Variants in ALS2 observed in about 807,000 individuals in gnomAD.
ALS2 encodes the protein alsin Rho guanine nucleotide exchange factor ALS2.
ALS2 carries 117 observed loss-of-function variants against 203.4 expected under a neutral mutation model. The observed-to-expected ratio is 0.58, with a 90% CI of 0.50 to 0.67. The LOEUF is 0.67. ALS2 is among the 30% of genes least tolerant of loss of function. ALS2 has a pLI of 0.00. For missense variants in ALS2, 1,715 were observed against 1,989.4 expected (o/e 0.86, Z 2.62); for synonymous variants, 718 against 725.9 (o/e 0.99, Z 0.17).
chr2:201,710,064 T>C (rs1173847190), intron 26 of ALS2, 26 bp from the exon 27 acceptor site: 2 of 1,612,654 alleles, frequency 1.2e-6, no homozygotes, highest in Admixed American at 3.3e-5. Flanking sequence ...ATCAATGAAG[T>C]CAGTTGATGT....
At chr2:201,722,943 G>C (rs1690902757) in intron 23 of ALS2, 100 bp downstream of exon 23, 1 of 933,498 alleles carries the variant, frequency 1.1e-6, no homozygotes, top group Non-Finnish European at 1.7e-6. Context: ...GCACTTGAAA[G>C]GGGTGAATTT....
At position 201,705,465 on chromosome 2, in the gene ALS2, T is replaced by C. The variant is rs775943041; in HGVS notation, c.4581-4A>G. The C allele has an allele frequency of 5.6e-6, 9 of 1,608,530 alleles. No individual in the cohort carries two copies. Among genetic ancestry groups the C allele is most frequent in the African/African-American group, 4.0e-5 (3 of 74,828 alleles). ...CAAGGTTGCTGGCCAAAATTTCCTA[T>C]AATGGAATCCATAAATTATTAATAT... On this transcript the variant is annotated splice_polypyrimidine_tract_variant and splice_region_variant and intron_variant, in intron 29 of 33. Coordinates refer to ENST00000264276, the MANE Select transcript of ALS2 (RefSeq NM_020919.4).
chr2:201,764,641 AT>A (rs1693978050), intron 3 of ALS2, among the ~76,000 whole-genome samples: 1 of 105,628 alleles, frequency 9.5e-6, no homozygotes. Flanking sequence ...CTCAAAATAA[AT>A]AAATAAATAA....
At chr2:201,738,359 C>T (rs1412878090) in intron 12 of ALS2, among the ~76,000 whole-genome samples, 1 of 152,086 alleles carries the variant, frequency 6.6e-6, no homozygotes, top group African/African-American at 2.4e-5. Flanking sequence ...TGGGAGAGAA[C>T]ATTCCCATTT....
intron 16 of ALS2, among the ~76,000 whole-genome samples, 199 bp downstream of exon 16, chr2:201,727,506 G>A (rs1334390661): frequency 1.3e-5 from 2 of 152,144 alleles, no homozygotes; most frequent in African/African-American, 2.4e-5. Context: ...TCACCTAATC[G>A]TGACTTGCCA....
In ALS2 at chr2:201,761,160, G is replaced by A. The variant is rs773708886; in HGVS notation, c.834C>T (p.Pro278=). The A allele has an allele frequency of 2.5e-6, 4 of 1,614,084 alleles. No individual in the cohort carries two copies. The highest frequency in any genetic ancestry group is 3.3e-5 in the Admixed American group (2 of 60,004). The change falls in exon 4 of 34, where the codon CCC becomes CCT. Residue 278 remains proline (P), a synonymous_variant. Transcript: ENST00000264276. ...CCTGCCTGTCAAGGGTTTCAGTGGA[G>A]GGGCTGAGAGCAGTGCTGGCATGGT... ...AENHASTALS[P]STETLDRQEE...
At chr2:201,719,808 C>A (rs980511866) in intron 23 of ALS2, among the ~76,000 whole-genome samples, 1 of 151,856 alleles carries the variant, frequency 6.6e-6, no homozygotes, top group African/African-American at 2.4e-5. Flanking sequence ...CACAAACATA[C>A]GAAGACAGAA....
At chr2:201,724,125 A>G (rs185840733) in intron 21 of ALS2, among the ~76,000 whole-genome samples, 170 bp downstream of exon 21, 2 of 152,334 alleles carry the variant, frequency 1.3e-5, no homozygotes, top group Admixed American at 1.3e-4. Flanking sequence ...AAAATAAAAA[A>G]GTAAATAAAA....
At position 201,754,553 on chromosome 2, in the gene ALS2, G is replaced by C. The variant is rs1402552014; in HGVS notation, c.1590C>G (p.Thr530=). 1.9e-6 allele frequency: 3 copies of C among 1,614,052 alleles called. No homozygotes were observed. Among genetic ancestry groups the C allele is most frequent in the Non-Finnish European group, 2.5e-6 (3 of 1,179,996 alleles). Residue 530 remains threonine (T), a synonymous_variant, in exon 6 of 34, where the codon ACC becomes ACG. Transcript: ENST00000264276. The part of the protein sequence containing the change: ...LLPSLRTEVW[T]WGKGKEGQLG... ...GCTGCCCTTCCTTCCCTTTCCCCCA[G>C]GTCCACACTTCTGTTCTCAGAGAAG...
intron 11 of ALS2, among the ~76,000 whole-genome samples, chr2:201,740,312 T>C (rs193264193): frequency 8.5e-5 from 13 of 152,302 alleles, no homozygotes; most frequent in African/African-American, 3.1e-4. Flanking sequence ...TTAATAACTT[T>C]ATAATTATAA....
intron 13 of ALS2, among the ~76,000 whole-genome samples, chr2:201,729,431 A>G (rs1201231249): frequency 6.6e-6 from 1 of 152,130 alleles, no homozygotes. Flanking sequence ...CAGTTAGTGA[A>G]TAGAGCAGCA....
intron 1 of ALS2, among the ~76,000 whole-genome samples, chr2:201,771,774 C>G (rs1295341636): frequency 6.6e-6 from 1 of 152,192 alleles, no homozygotes; most frequent in African/African-American, 2.4e-5. Context: ...AAAACTTCCT[C>G]TGGGGATATT....
chr2:201,711,721 A>G (rs973087508), intron 25 of ALS2, among the ~76,000 whole-genome samples: 3 of 152,232 alleles, frequency 2.0e-5, no homozygotes, highest in Admixed American at 1.3e-4. Flanking sequence ...ATAGTGTTCT[A>G]TCATTAGATG....
In ALS2 at chr2:201,761,819, C is replaced by T; in HGVS notation, c.176-1G>A. ...GTCCCAAAGCTGTAGACCTCACCAT[C>T]TGAAGGTTAAAAAAAAGAAAAAAGA... is the stretch of plus-strand genomic sequence containing the variant. On this transcript the variant is annotated splice_acceptor_variant, in intron 3 of 33. Transcript: ENST00000264276. LOFTEE classifies it high-confidence loss of function. 1 of 1,612,022 alleles carries T rather than the reference C, an allele frequency of 6.2e-7. No homozygotes were observed. The highest frequency in any genetic ancestry group is 2.2e-5 in the East Asian group (1 of 44,838).
intron 23 of ALS2, among the ~76,000 whole-genome samples, chr2:201,720,491 TC>T (rs1690703774): frequency 7.4e-6 from 1 of 134,566 alleles, no homozygotes; most frequent in Non-Finnish European, 1.5e-5. Flanking sequence ...TTGCTTGAGC[TC>T]AGGAGTTTGA....
intron 5 of ALS2, among the ~76,000 whole-genome samples, chr2:201,756,295 T>C (rs1693380845): frequency 6.6e-6 from 1 of 151,064 alleles, no homozygotes. Context: ...TTCTTATACA[T>C]CATATATATT....
chr2:201,701,996 G>T, intron 33 of ALS2, 107 bp from the exon 34 acceptor site: 1 of 959,920 alleles, frequency 1.0e-6, no homozygotes, highest in Non-Finnish European at 1.7e-6. Flanking sequence ...AACAAATTCA[G>T]CTGATGGCCC....
chr2:201,759,751 G>C (rs919238200), intron 4 of ALS2: 16 of 984,922 alleles, frequency 1.6e-5, no homozygotes, highest in Non-Finnish European at 7.2e-6. Context: ...CATTCTGACA[G>C]AGTAAACAAT....
intron 5 of ALS2, among the ~76,000 whole-genome samples, chr2:201,756,625 T>C (rs1693412180): frequency 6.6e-6 from 1 of 152,252 alleles, no homozygotes; most frequent in African/African-American, 2.4e-5. Context: ...CTGGCTGCTT[T>C]TACATAACCA....
Sources: allele counts gnomAD v4.1 joint callset (sites outside exome capture counted in the v4.1 genomes callset), GRCh38; gene constraint gnomAD v4.1.1; transcripts MANE v1.5; gene names NCBI Gene and HGNC (gene_info 2026-07-23, HGNC 2026-07-21).